Variants in RSBN1 observed in about 807,000 individuals in gnomAD.
The protein encoded by RSBN1 is lysine-specific demethylase 9.
Under a neutral mutation model 74.8 loss-of-function variants are expected in RSBN1, and 23 were observed. The observed-to-expected ratio is 0.31, with a 90% CI of 0.22 to 0.44. The LOEUF is 0.44. Among genes scored for constraint, RSBN1 ranks in the 20% least tolerant of loss-of-function variants. The probability of loss-of-function intolerance (pLI) is 1.00; values close to 1 mark genes in which losing one functional copy is unlikely to be tolerated. For synonymous variants in RSBN1, 407 were observed against 379.6 expected (o/e 1.07, Z -0.84); for missense variants, 808 against 1,020.9 (o/e 0.79, Z 2.84).
At chr1:113,810,729 G>C (rs1660819575) in intron 1 of RSBN1, among the ~76,000 whole-genome samples, 1 of 152,000 alleles carries the variant, frequency 6.6e-6, no homozygotes, top group Non-Finnish European at 1.5e-5. Context: ...AACCTAACTG[G>C]TCCAGTACTA....
In RSBN1 at chr1:113,812,438, T is replaced by G. The variant is rs150908756; in HGVS notation, c.-26A>C. 503 of 1,563,764 alleles carry G rather than the reference T, an allele frequency of 3.2e-4. 2 individuals are homozygous for G. The African/African-American group carries it at 6.1e-3, about 19-fold the overall frequency. On this transcript the variant is annotated 5_prime_UTR_variant, in exon 1 of 7. Transcript: ENST00000261441. ...GCCGGAAGCGGCCGTTCCCAGCTTT[T>G]CTCCGCAGGCCTCTCCAACCGAGCT...
intron 2 of RSBN1, among the ~76,000 whole-genome samples, chr1:113,778,806 T>C (rs1327279054): frequency 6.6e-6 from 1 of 152,202 alleles, no homozygotes; most frequent in Admixed American, 6.5e-5. Flanking sequence ...TAATGTTACC[T>C]ATGAGCAACA....
Position 113,797,923 on chromosome 1 carries a change from T to C in RSBN1, c.817A>G (p.Met273Val). The part of the protein sequence containing the change: ...REDMRGRRLK[M>V]YNKEVQTVCA... ...ACGGTTTGTACTTCCTTATTGTACATTTTAAGGCGTCTTCCTCGCATGTCT... is the reference window on the plus strand; with the variant it reads ...ACGGTTTGTACTTCCTTATTGTACACTTTAAGGCGTCTTCCTCGCATGTCT... The change falls in exon 2 of 7, where the codon ATG becomes GTG. Residue 273 changes from methionine (M) to valine (V), a missense_variant. Around this residue, in one of 6 missense-constraint regions of RSBN1, gnomAD observed 464 missense variants for 401.0 expected, o/e 1.16. Coordinates refer to ENST00000261441, the MANE Select transcript of RSBN1 (RefSeq NM_018364.5). 6.2e-7 allele frequency: 1 copy of C among 1,614,032 alleles called. No individual in the cohort carries two copies. Among genetic ancestry groups the C allele is most frequent in the Non-Finnish European group, 8.5e-7 (1 of 1,179,954 alleles).
At chr1:113,772,854 C>A (rs983542572) in intron 4 of RSBN1, among the ~76,000 whole-genome samples, 3 of 152,174 alleles carry the variant, frequency 2.0e-5, no homozygotes, top group African/African-American at 7.2e-5. Context: ...ATGTAAATCT[C>A]TTCCTCTATA....
chr1:113,800,447 G>A (rs1338069045), intron 1 of RSBN1, among the ~76,000 whole-genome samples: 1 of 151,910 alleles, frequency 6.6e-6, no homozygotes, highest in Non-Finnish European at 1.5e-5. Context: ...TATCAAATCA[G>A]TAATTTAGGC....
At chr1:113,787,128 AAC>A (rs1193035029) in intron 2 of RSBN1, among the ~76,000 whole-genome samples, 1 of 152,212 alleles carries the variant, frequency 6.6e-6, no homozygotes, top group Non-Finnish European at 1.5e-5. Flanking sequence ...CTTCCCCAGG[AAC>A]ACAGTAATAT....
At chr1:113,781,246 T>C (rs1218034112) in intron 2 of RSBN1, among the ~76,000 whole-genome samples, 2 of 152,224 alleles carry the variant, frequency 1.3e-5, no homozygotes, top group Non-Finnish European at 2.9e-5. Context: ...ATAAGAATCC[T>C]ACTTCTGTAA....
chr1:113,766,030 C>T lies in RSBN1; in HGVS notation c.2359G>A (p.Asp787Asn), dbSNP rs758704255. 1.2e-5 allele frequency: 20 copies of T among 1,613,984 alleles called. No individual in the cohort carries two copies. Among genetic ancestry groups the T allele is most frequent in the Non-Finnish European group, 1.7e-5 (20 of 1,179,906 alleles). ...TGCAGATTGTGTTGCTGGTCAGAGT[C>T]CAGTCTACTTTCCACTTTTAAAACT... ...IPVLKVESRL[D>N]SDQQHNLQEH... Residue 787 changes from aspartate to asparagine, a missense_variant, in exon 7 of 7, where the codon GAC becomes AAC. Around this residue, in one of 6 missense-constraint regions of RSBN1, gnomAD observed 91 missense variants for 99.6 expected, o/e 0.91. Transcript: ENST00000261441.
At position 113,762,177 on chromosome 1, in the gene RSBN1, C is replaced by T. The variant is rs1256416168; in HGVS notation, c.*3803G>A. On this transcript the variant is annotated 3_prime_UTR_variant, in exon 7 of 7. Transcript: ENST00000261441. Reference sequence around the variant, plus strand: ...GCTGCCAATCAAAATGGAGTTTACTCACAGAAAACACTATTACATGAAAAT... The same window carrying T: ...GCTGCCAATCAAAATGGAGTTTACTTACAGAAAACACTATTACATGAAAAT... 6.5e-6 allele frequency: 1 copy of T among 152,692 alleles called. No individual in the cohort carries two copies. The highest frequency in any genetic ancestry group is 2.4e-5 in the African/African-American group (1 of 41,410). The allele number at this position is 152,692 out of a possible 1,614,324, so 9.5% of individuals were successfully genotyped here.
At chr1:113,771,761 G>A (rs1659888092) in intron 4 of RSBN1, among the ~76,000 whole-genome samples, 1 of 129,928 alleles carries the variant, frequency 7.7e-6, no homozygotes, top group Admixed American at 8.5e-5. Context: ...AAGCAATAAA[G>A]AGAACAGAAG....
chr1:113,777,441 CT>C, intron 3 of RSBN1, 89 bp from the exon 4 acceptor site: 1 of 1,306,192 alleles, frequency 7.7e-7, no homozygotes, highest in Non-Finnish European at 1.0e-6. Context: ...TCTAAGAAGG[CT>C]TTTTTACAAC....
intron 2 of RSBN1, among the ~76,000 whole-genome samples, chr1:113,785,843 A>G (rs995255311): frequency 6.6e-6 from 1 of 152,354 alleles, no homozygotes. Flanking sequence ...AGCAAAAGAG[A>G]AAAATAAAGA....
intron 4 of RSBN1, among the ~76,000 whole-genome samples, chr1:113,768,927 A>AT (rs1553240116): frequency 4.4e-4 from 67 of 150,712 alleles, no homozygotes; most frequent in East Asian, 2.5e-3. Flanking sequence ...TGAAAAAAAA[A>AT]ATATATATAT....
chr1:113,773,743 G>A (rs1241545792), intron 4 of RSBN1, among the ~76,000 whole-genome samples: 5 of 152,118 alleles, frequency 3.3e-5, no homozygotes, highest in Non-Finnish European at 7.4e-5. Flanking sequence ...AGTGGCTCAC[G>A]CCTGTAATCC....
chr1:113,774,708 T>C (rs1571296735), intron 4 of RSBN1, among the ~76,000 whole-genome samples: 1 of 150,388 alleles, frequency 6.6e-6, no homozygotes, highest in South Asian at 2.1e-4. Flanking sequence ...AAAAAACAAC[T>C]AGCCAGGCAT....
At chr1:113,788,664 C>A (rs1014100759) in intron 2 of RSBN1, among the ~76,000 whole-genome samples, 2 of 152,176 alleles carry the variant, frequency 1.3e-5, no homozygotes, top group Non-Finnish European at 2.9e-5. Flanking sequence ...AATGACCCAT[C>A]AATCAAATGT....
chr1:113,795,517 TCTCTA>T lies in RSBN1; in HGVS notation c.1377+1841_1377+1845del, dbSNP rs553016430. On this transcript the variant is annotated intron_variant, in intron 2 of 6. Transcript: ENST00000261441. ...ACCTCCCATATCCACACCATACTCT[TCTCTA>T]ATGACTGAAAATTCATAAATAAAAT... 7.2e-5 allele frequency among the ~76,000 whole-genome samples: 11 copies of T among 152,286 alleles called. No individual in the cohort carries two copies. In the South Asian group the frequency reaches 2.3e-3, roughly 32 times the overall value.
At chr1:113,804,236 T>C (rs1256956190) in intron 1 of RSBN1, among the ~76,000 whole-genome samples, 1 of 152,202 alleles carries the variant, frequency 6.6e-6, no homozygotes, top group African/African-American at 2.4e-5. Flanking sequence ...AAGTCTCTTA[T>C]CATCTTGATT....
chr1:113,773,396 C>T (rs554486611), intron 4 of RSBN1, among the ~76,000 whole-genome samples: 1 of 152,286 alleles, frequency 6.6e-6, no homozygotes, highest in African/African-American at 2.4e-5. Flanking sequence ...TGGTGGTGCA[C>T]GCCAGTAATC....
Sources: allele counts gnomAD v4.1 joint callset (sites outside exome capture counted in the v4.1 genomes callset), GRCh38; gene constraint gnomAD v4.1.1; regional missense constraint gnomAD v4.1.1; transcripts MANE v1.5; gene names NCBI Gene and HGNC (gene_info 2026-07-23, HGNC 2026-07-21).